METTL24: variants seen among roughly 807,000 people sequenced by gnomAD.
METTL24 encodes probable methyltransferase-like protein 24.
METTL24 carries 29 observed loss-of-function variants against 32.7 expected under a neutral mutation model. The observed-to-expected ratio is 0.89, with a 90% CI of 0.66 to 1.21. The LOEUF (loss-of-function observed/expected upper bound fraction) is 1.21, where lower values mean the gene tolerates loss of function less well. Ranked by LOEUF, METTL24 falls within the 50% of genes most tolerant of loss-of-function variation. The pLI is 0.00. For missense variants in METTL24, 439 were observed against 468.1 expected, an observed-to-expected ratio of 0.94 and a Z score of 0.57; for synonymous variants, 163 against 179.5, an observed-to-expected ratio of 0.91 and a Z score of 0.73.
chr6:110,254,204 T>A (rs868797725), intron 4 of METTL24: 1 of 326,322 alleles, frequency 3.1e-6, no homozygotes, highest in Middle Eastern at 8.0e-4. Flanking sequence ...ATCAACAAAC[T>A]GGGCAACTAA....
At chr6:110,291,813 T>C (rs982096396) in intron 4 of METTL24, among the ~76,000 whole-genome samples, 1 of 152,194 alleles carries the variant, frequency 6.6e-6, no homozygotes, top group Non-Finnish European at 1.5e-5. Flanking sequence ...TCTGTTCCTG[T>C]GTTAGTTTGC....
At chr6:110,281,040 T>C (rs1334071408) in intron 4 of METTL24, among the ~76,000 whole-genome samples, 1 of 152,180 alleles carries the variant, frequency 6.6e-6, no homozygotes, top group Non-Finnish European at 1.5e-5. Flanking sequence ...GAGTTCTCTA[T>C]TATATAAATT....
chr6:110,247,787 C>T (rs1349789760), intron 4 of METTL24, among the ~76,000 whole-genome samples: 1 of 152,152 alleles, frequency 6.6e-6, no homozygotes, highest in Non-Finnish European at 1.5e-5. Context: ...CCATTCTTTC[C>T]TTTCTCATTG....
chr6:110,358,246 C>CCTCCCGGGCGGCCT lies in METTL24; in HGVS notation c.13_26dup (p.Cys11ArgfsTer68). 10 of 1,485,662 alleles carry CCTCCCGGGCGGCCT rather than the reference C, an allele frequency of 6.7e-6. 1 individual carries two copies. The South Asian group carries it at 1.1e-4, about 17-fold the overall frequency. The allele number at this position is 1,485,662 out of a possible 1,614,324, so 92.0% of individuals were successfully genotyped here. A position where few individuals can be genotyped will look rare whatever the true frequency, so the allele number is the denominator to read the frequency against. Reference sequence around the variant, plus strand: ...GACACCGGCGCAGGACGCCGCAGCCCCTCCCGGGCGGCCTCTCCCGGGCCA... The same window carrying CCTCCCGGGCGGCCT: ...GACACCGGCGCAGGACGCCGCAGCCCCTCCCGGGCGGCCTCTCCCGGGCGGCCTCTCCCGGGCCA... On this transcript the variant is annotated frameshift_variant, in exon 1 of 5. Transcript: ENST00000338882. LOFTEE classifies it high-confidence loss of function.
At chr6:110,247,821 A>T (rs984091257) in intron 4 of METTL24, among the ~76,000 whole-genome samples, 12 of 152,198 alleles carry the variant, frequency 7.9e-5, no homozygotes, top group Non-Finnish European at 1.6e-4. Context: ...TAAGTTTCTC[A>T]TATGAGGCTC....
intron 1 of METTL24, among the ~76,000 whole-genome samples, chr6:110,355,052 A>C (rs1772677672): frequency 6.6e-6 from 1 of 152,208 alleles, no homozygotes; most frequent in Non-Finnish European, 1.5e-5. Flanking sequence ...AACATTTACT[A>C]GGGGTCACTA....
intron 1 of METTL24, among the ~76,000 whole-genome samples, chr6:110,327,687 C>A (rs1270001749): frequency 2.6e-5 from 4 of 152,190 alleles, no homozygotes; most frequent in Non-Finnish European, 5.9e-5. Flanking sequence ...TGTCTTAATT[C>A]TCTAGTGTAT....
intron 4 of METTL24, among the ~76,000 whole-genome samples, chr6:110,266,239 T>C (rs894617825): frequency 1.3e-5 from 2 of 152,168 alleles, no homozygotes; most frequent in African/African-American, 4.8e-5. Flanking sequence ...TAAACTACTG[T>C]TACTTTTTTT....
chr6:110,357,026 C>T lies in METTL24; in HGVS notation c.318+929G>A, dbSNP rs1056190992. Among the ~76,000 whole-genome samples, 5 of 152,070 alleles carry T rather than the reference C, an allele frequency of 3.3e-5. No individual in the cohort carries two copies. In the South Asian group the frequency reaches 1.0e-3, roughly 32 times the overall value. On this transcript the variant is annotated intron_variant, in intron 1 of 4. Coordinates refer to ENST00000338882, the MANE Select transcript of METTL24 (RefSeq NM_001123364.3). ...CCCCTCCAGGACCGGTGATGGGAAG[C>T]GGGGTGGAGGTTGGGGTGGATGTCT...
chr6:110,316,039 G>C (rs1261238473), intron 2 of METTL24, among the ~76,000 whole-genome samples: 1 of 152,186 alleles, frequency 6.6e-6, no homozygotes, highest in Non-Finnish European at 1.5e-5. Context: ...AGGATGGCAG[G>C]TGTTATCCAA....
intron 4 of METTL24, among the ~76,000 whole-genome samples, chr6:110,254,669 A>T (rs1261886308): frequency 6.6e-6 from 1 of 152,100 alleles, no homozygotes; most frequent in African/African-American, 2.4e-5. Context: ...AATAAATAAA[A>T]ATTTGAATTA....
chr6:110,309,003 C>T (rs897117204), intron 3 of METTL24, among the ~76,000 whole-genome samples: 2 of 152,086 alleles, frequency 1.3e-5, no homozygotes, highest in Admixed American at 1.3e-4. Flanking sequence ...CTACTGGGTA[C>T]AGAGGCTTCT....
intron 1 of METTL24, 134 bp from the exon 2 acceptor site, chr6:110,323,006 G>A: frequency 3.4e-6 from 2 of 592,860 alleles, no homozygotes; most frequent in Non-Finnish European, 5.9e-6. Context: ...CAGGCAGCAG[G>A]AGGCTCTTTG....
chr6:110,302,652 TATATACAC>T (rs1203259230), intron 3 of METTL24, among the ~76,000 whole-genome samples: 1 of 142,988 alleles, frequency 7.0e-6, no homozygotes, highest in Non-Finnish European at 1.5e-5. Flanking sequence ...TATGTGTATA[TATATACAC>T]ATATACACAC....
chr6:110,330,116 G>A lies in METTL24; in HGVS notation c.319-7244C>T, dbSNP rs111311488. On this transcript the variant is annotated intron_variant, in intron 1 of 4. Transcript: ENST00000338882. ...CCGCAGTTCAGGCTCCAGGAGGCGGGGCGTCTCCCGATGCTCAGGGATAGT... is the reference window on the plus strand; with the variant it reads ...CCGCAGTTCAGGCTCCAGGAGGCGGAGCGTCTCCCGATGCTCAGGGATAGT... Among the ~76,000 whole-genome samples, 918 of 152,358 alleles carry A rather than the reference G, an allele frequency of 6.0e-3. 13 individuals are homozygous for A. Among genetic ancestry groups the A allele is most frequent in the African/African-American group, 0.019 (784 of 41,586 alleles).
intron 3 of METTL24, among the ~76,000 whole-genome samples, chr6:110,314,579 T>C (rs1252617801): frequency 1.3e-5 from 2 of 152,204 alleles, no homozygotes; most frequent in Non-Finnish European, 2.9e-5. Flanking sequence ...AAAATGTAAC[T>C]AGATATAGAT....
In METTL24 at chr6:110,254,018, A is replaced by G. The variant is rs191613975; in HGVS notation, c.787-7758T>C. 1.3e-4 allele frequency: 166 copies of G among 1,231,314 alleles called. 1 individual carries two copies. The African/African-American group carries it at 2.5e-3, about 18-fold the overall frequency. 76.3% of individuals were successfully genotyped at this position (1,231,314 alleles called of 1,614,324 possible). A position where few individuals can be genotyped will look rare whatever the true frequency, so the allele number is the denominator to read the frequency against. ...CCTTTGATCTCCTTGACATATTTGGAATCCCTCACAAATTTGCATTTGGGA... is the reference window on the plus strand; with the variant it reads ...CCTTTGATCTCCTTGACATATTTGGGATCCCTCACAAATTTGCATTTGGGA... On this transcript the variant is annotated intron_variant, in intron 4 of 4. Coordinates refer to ENST00000338882, the MANE Select transcript of METTL24 (RefSeq NM_001123364.3).
chr6:110,329,661 T>C (rs1772079685), intron 1 of METTL24, among the ~76,000 whole-genome samples: 1 of 152,078 alleles, frequency 6.6e-6, no homozygotes, highest in Non-Finnish European at 1.5e-5. Flanking sequence ...GAGTGCCGGG[T>C]GCAGTTTCAC....
In METTL24 at chr6:110,315,459, G is replaced by A. The variant is rs370305281; in HGVS notation, c.440C>T (p.Thr147Ile). The part of the protein sequence containing the change: ...TTQIACNHMN[T>I]DSLATDSSPT... ...ACTAGAGTCAGTAGCCAGGCTGTCTGTATTCATGTGATTGCATGCAATCTG... is the reference window on the plus strand; with the variant it reads ...ACTAGAGTCAGTAGCCAGGCTGTCTATATTCATGTGATTGCATGCAATCTG... The change falls in exon 3 of 5, where the codon ACA becomes ATA. Residue 147 changes from threonine (T) to isoleucine (I), a missense_variant. Transcript: ENST00000338882. 20 of 1,613,866 alleles carry A rather than the reference G, an allele frequency of 1.2e-5. No homozygotes were observed. In the African/African-American group the frequency reaches 2.4e-4, roughly 19 times the overall value.
Sources: allele counts gnomAD v4.1 joint callset (sites outside exome capture counted in the v4.1 genomes callset), GRCh38; gene constraint gnomAD v4.1.1; transcripts MANE v1.5; gene names NCBI Gene and HGNC (gene_info 2026-07-23, HGNC 2026-07-21).